Variants in PDE7B observed in about 807,000 individuals in gnomAD.
The protein encoded by PDE7B is 3',5'-cyclic-AMP phosphodiesterase 7B.
PDE7B carries 29 observed loss-of-function variants against 56.2 expected under a neutral mutation model. That is an observed-to-expected ratio of 0.52 (90% CI 0.38 to 0.70). PDE7B has a LOEUF of 0.70. Among genes scored for constraint, PDE7B ranks in the 30% least tolerant of loss-of-function variants. The probability of loss-of-function intolerance (pLI) is 0.00; values close to 1 mark genes in which losing one functional copy is unlikely to be tolerated. For synonymous variants in PDE7B, 197 were observed against 196.9 expected, an observed-to-expected ratio of 1.00 and a Z score of 0.00; for missense variants, 490 against 565.0, an observed-to-expected ratio of 0.87 and a Z score of 1.35.
chr6:135,888,769 G>A (rs1322320720), intron 1 of PDE7B, among the ~76,000 whole-genome samples: 1 of 151,984 alleles, frequency 6.6e-6, no homozygotes, highest in Non-Finnish European at 1.5e-5. Context: ...TCAACAGTAG[G>A]TGTAGTAGTT....
chr6:136,082,288 C>T (rs943279685), intron 2 of PDE7B, among the ~76,000 whole-genome samples: 4 of 152,270 alleles, frequency 2.6e-5, no homozygotes, highest in Non-Finnish European at 4.4e-5. Flanking sequence ...GCATTGCTGT[C>T]GCTGTTGCTC....
rs375554403 is a variant in PDE7B, at chr6:135,943,017, T to C, written c.22-4447T>C. On this transcript the variant is annotated intron_variant, in intron 1 of 12. Coordinates refer to ENST00000308191, the MANE Select transcript of PDE7B (RefSeq NM_018945.4). ...AATAAAAGTCCAATTTTAGATTTAATGTGGAAAATTCTTAATAAATTAGCA... is the reference window on the plus strand; with the variant it reads ...AATAAAAGTCCAATTTTAGATTTAACGTGGAAAATTCTTAATAAATTAGCA... 5.6e-3 allele frequency among the ~76,000 whole-genome samples: 859 copies of C among 152,318 alleles called. 4 individuals carry two copies. The highest frequency in any genetic ancestry group is 0.01 in the Middle Eastern group (3 of 294).
At chr6:136,074,364 G>C (rs2128214362) in intron 2 of PDE7B, among the ~76,000 whole-genome samples, 1 of 152,118 alleles carries the variant, frequency 6.6e-6, no homozygotes, top group African/African-American at 2.4e-5. Flanking sequence ...GGCATACAAT[G>C]CATCATAATC....
intron 2 of PDE7B, among the ~76,000 whole-genome samples, chr6:136,084,522 T>C (rs570362757): frequency 1.3e-5 from 2 of 152,298 alleles, no homozygotes; most frequent in East Asian, 1.9e-4. Context: ...ACCTCAATGA[T>C]TAATATGCCA....
intron 1 of PDE7B, among the ~76,000 whole-genome samples, chr6:135,863,146 C>A (rs972897928): frequency 6.6e-6 from 1 of 151,878 alleles, no homozygotes; most frequent in Non-Finnish European, 1.5e-5. Flanking sequence ...GTATAGTGCT[C>A]TATAGATGTC....
chr6:136,125,468 G>A (rs1778007398), intron 3 of PDE7B, among the ~76,000 whole-genome samples: 1 of 152,042 alleles, frequency 6.6e-6, no homozygotes, highest in Non-Finnish European at 1.5e-5. Flanking sequence ...GGAGGCTGAG[G>A]TGGGAAGATC....
At position 136,194,486 on chromosome 6, in the gene PDE7B, G is replaced by C. The variant is rs1484171521; in HGVS notation, c.*2646G>C. 6.6e-6 allele frequency: 1 copy of C among 152,154 alleles called. No individual in the cohort carries two copies. Among genetic ancestry groups the C allele is most frequent in the Non-Finnish European group, 1.5e-5 (1 of 68,032 alleles). 9.4% of individuals were successfully genotyped at this position (152,154 alleles called of 1,614,324 possible). A position where few individuals can be genotyped will look rare whatever the true frequency, so the allele number is the denominator to read the frequency against. On this transcript the variant is annotated 3_prime_UTR_variant, in exon 13 of 13. Transcript: ENST00000308191. ...GCAGCTGCCTCCCTCATTCAACTGG[G>C]GAGTTCTTGAGTTCCTCATTTGTTG... is the stretch of plus-strand genomic sequence containing the variant.
chr6:136,116,317 G>A (rs1256713606), intron 3 of PDE7B, among the ~76,000 whole-genome samples: 3 of 152,174 alleles, frequency 2.0e-5, no homozygotes, highest in African/African-American at 7.2e-5. Flanking sequence ...AGAAAGGCTT[G>A]GAATGCCAAG....
intron 2 of PDE7B, among the ~76,000 whole-genome samples, chr6:135,956,795 G>T (rs140096099): frequency 2.7e-5 from 4 of 147,540 alleles, no homozygotes; most frequent in African/African-American, 1.0e-4. Context: ...GAAAAGAAAA[G>T]AAAGACAGAA....
At chr6:136,088,698 C>T (rs1304973284) in intron 2 of PDE7B, among the ~76,000 whole-genome samples, 1 of 152,100 alleles carries the variant, frequency 6.6e-6, no homozygotes, top group African/African-American at 2.4e-5. Flanking sequence ...AGGAAAGTGA[C>T]AACTGAAAGG....
intron 12 of PDE7B, 44 bp downstream of exon 12, chr6:136,187,160 C>A: frequency 1.1e-6 from 1 of 949,428 alleles, no homozygotes. Flanking sequence ...ACCTTTGGCA[C>A]ATCTCACAAA....
rs1460031078 is a variant in PDE7B at position 135,903,253 on chromosome 6, T to TA, written c.22-44209dup. Among the ~76,000 whole-genome samples, 5 of 152,290 alleles carry TA rather than the reference T, an allele frequency of 3.3e-5. No homozygotes were observed. The East Asian group carries it at 9.6e-4, about 29-fold the overall frequency. ...CTATTTCGTCTTTGCAAAAACTGTA[T>TA]AAGCAAAGGTTGTATCAGTGGCATT... On this transcript the variant is annotated intron_variant, in intron 1 of 12. Coordinates refer to ENST00000308191, the MANE Select transcript of PDE7B (RefSeq NM_018945.4).
chr6:135,981,014 G>A (rs1775284506), intron 2 of PDE7B, among the ~76,000 whole-genome samples: 1 of 148,572 alleles, frequency 6.7e-6, no homozygotes, highest in Non-Finnish European at 1.5e-5. Flanking sequence ...ATTCACAATA[G>A]CAAAGACTTG....
chr6:135,935,276 A>G (rs767544674), intron 1 of PDE7B, among the ~76,000 whole-genome samples: 1 of 139,698 alleles, frequency 7.2e-6, no homozygotes, highest in Non-Finnish European at 1.5e-5. Context: ...AGATATTTCA[A>G]CACTGAAAGA....
intron 1 of PDE7B, among the ~76,000 whole-genome samples, chr6:135,873,640 T>C (rs1055632249): frequency 1.3e-5 from 2 of 152,146 alleles, no homozygotes; most frequent in Non-Finnish European, 2.9e-5. Flanking sequence ...TTCATTGTGA[T>C]TGCAATAGCA....
intron 2 of PDE7B, chr6:136,037,603 C>T (rs1776344167): frequency 1.0e-6 from 1 of 985,450 alleles, no homozygotes; most frequent in African/African-American, 1.7e-5. Context: ...TGCAGACTCT[C>T]AGCTTCCTCT....
intron 8 of PDE7B, among the ~76,000 whole-genome samples, chr6:136,164,511 C>G (rs923093670): frequency 9.2e-5 from 14 of 152,210 alleles, no homozygotes; most frequent in Non-Finnish European, 1.9e-4. Context: ...ATCTCATAAA[C>G]AGACACACGG....
chr6:136,018,813 T>C (rs2128207883), intron 2 of PDE7B, among the ~76,000 whole-genome samples: 1 of 152,204 alleles, frequency 6.6e-6, no homozygotes, highest in East Asian at 1.9e-4. Context: ...TGTGTTTGTG[T>C]GTGTGTCAAA....
At chr6:136,058,210 A>T (rs147200565) in intron 2 of PDE7B, among the ~76,000 whole-genome samples, 8 of 152,210 alleles carry the variant, frequency 5.3e-5, no homozygotes, top group Admixed American at 3.9e-4. Flanking sequence ...ATCAACATAC[A>T]GTAATAGTTT....
Sources: gnomAD v4.1 joint callset for allele counts (sites outside exome capture counted in the v4.1 genomes callset) on GRCh38, gnomAD v4.1.1 for gene constraint, MANE v1.5 for transcripts, NCBI Gene and HGNC (gene_info 2026-07-23, HGNC 2026-07-21) for gene names.